PDE4D: variants seen among roughly 807,000 people sequenced by gnomAD.
PDE4D encodes 3',5'-cyclic-AMP phosphodiesterase 4D.
Under a neutral mutation model 87.4 loss-of-function variants are expected in PDE4D, and 24 were observed. That is an observed-to-expected ratio of 0.27 (90% CI 0.20 to 0.39). The LOEUF (loss-of-function observed/expected upper bound fraction) is 0.39. Ranked by LOEUF, PDE4D falls within the 10% of genes least tolerant of loss-of-function variation. PDE4D has a pLI of 1.00. For missense variants in PDE4D, 714 were observed against 1,041.0 expected, an observed-to-expected ratio of 0.69 and a Z score of 4.32; for synonymous variants, 384 against 383.2, an observed-to-expected ratio of 1.00 and a Z score of -0.02.
rs564375415 is a variant in PDE4D at position 60,457,335 on chromosome 5, T to C, written c.-90+30607A>G. ...AGTCTCATCTGCCATAAGCTTTCCC[T>C]GAAATTTTGATTTAAGAGATAGAAG... On this transcript the variant is annotated intron_variant, in intron 1 of 16. Transcript: ENST00000502484. Among the ~76,000 whole-genome samples the C allele has an allele frequency of 5.9e-5, 9 of 152,348 alleles. No homozygotes were observed. The South Asian group carries it at 1.2e-3, about 21-fold the overall frequency.
intron 2 of PDE4D, among the ~76,000 whole-genome samples, chr5:59,206,817 G>A (rs866284944): frequency 1.3e-5 from 2 of 152,090 alleles, no homozygotes; most frequent in African/African-American, 4.8e-5. Context: ...TGGAAAACAC[G>A]TATTGGTCAT....
At chr5:59,840,247 C>A (rs1742777956) in intron 1 of PDE4D, among the ~76,000 whole-genome samples, 1 of 151,638 alleles carries the variant, frequency 6.6e-6, no homozygotes, top group Admixed American at 6.6e-5. Flanking sequence ...CACACACACA[C>A]ACACACACAC....
chr5:59,645,086 CT>C (rs1201639099), intron 1 of PDE4D, among the ~76,000 whole-genome samples: 3 of 152,148 alleles, frequency 2.0e-5, no homozygotes, highest in Non-Finnish European at 4.4e-5. Flanking sequence ...AAATGAACTT[CT>C]AAGAAATACC....
intron 1 of PDE4D, among the ~76,000 whole-genome samples, chr5:59,863,679 A>G (rs2152730326): frequency 6.6e-6 from 1 of 152,312 alleles, no homozygotes; most frequent in South Asian, 2.1e-4. Flanking sequence ...TTGTTTTGGT[A>G]TTGATCTCTG....
At chr5:60,324,823 T>A (rs1488847422) in intron 1 of PDE4D, among the ~76,000 whole-genome samples, 1 of 152,100 alleles carries the variant, frequency 6.6e-6, no homozygotes, top group East Asian at 1.9e-4. Context: ...CCTCATATGG[T>A]TTCACCGTAG....
chr5:59,126,107 AAGAG>A lies in PDE4D; in HGVS notation c.808+54484_808+54487del, dbSNP rs755881387. Among the ~76,000 whole-genome samples the A allele has an allele frequency of 1.6e-3, 230 of 148,128 alleles. 2 individuals are homozygous for A. Among genetic ancestry groups the A allele is most frequent in the East Asian group, 0.012 (60 of 5,084 alleles). On this transcript the variant is annotated intron_variant, in intron 5 of 14. Transcript: ENST00000340635. ...TTAAGTACAATTGTAAAAAAAAAAA[AAGAG>A]AGAGAGAGAGAGAGAGAGAAAGCAA...
At chr5:59,284,955 C>T (rs1162553038) in intron 1 of PDE4D, among the ~76,000 whole-genome samples, 3 of 63,580 alleles carry the variant, frequency 4.7e-5, no homozygotes, top group Admixed American at 1.9e-4. Context: ...AGTAAACTAT[C>T]GCAAGAACAA....
chr5:59,045,437 C>A (rs1760450044), intron 5 of PDE4D, among the ~76,000 whole-genome samples: 1 of 151,846 alleles, frequency 6.6e-6, no homozygotes, highest in Admixed American at 6.6e-5. Context: ...CCTATATTCC[C>A]AGCTACTTGG....
chr5:60,279,931 C>T (rs905894788), intron 1 of PDE4D, among the ~76,000 whole-genome samples: 7 of 152,012 alleles, frequency 4.6e-5, no homozygotes, highest in Non-Finnish European at 8.8e-5. Context: ...CCGCCCGCCT[C>T]GGCCTCCCAA....
intron 1 of PDE4D, among the ~76,000 whole-genome samples, chr5:59,836,052 G>A (rs1268498238): frequency 1.3e-5 from 2 of 151,990 alleles, no homozygotes; most frequent in Non-Finnish European, 2.9e-5. Context: ...TAGGAGGGAG[G>A]AAGAATAACA....
chr5:59,555,853 T>C (rs1471195759), intron 1 of PDE4D, among the ~76,000 whole-genome samples: 2 of 152,138 alleles, frequency 1.3e-5, no homozygotes, highest in Non-Finnish European at 2.9e-5. Flanking sequence ...AAGGACATTG[T>C]TATGAAGCAT....
chr5:60,436,737 A>C (rs2150125304), intron 1 of PDE4D, among the ~76,000 whole-genome samples: 1 of 152,178 alleles, frequency 6.6e-6, no homozygotes, highest in East Asian at 1.9e-4. Flanking sequence ...GGTTCACTGA[A>C]GCATACTGAA....
At chr5:59,695,199 GA>G (rs35105874) in intron 1 of PDE4D, among the ~76,000 whole-genome samples, 182 of 145,486 alleles carry the variant, frequency 1.3e-3, no homozygotes, top group South Asian at 8.5e-3. Flanking sequence ...CTGCATTTTT[GA>G]AAAAAAAAAA....
intron 1 of PDE4D, among the ~76,000 whole-genome samples, chr5:59,763,566 A>C (rs1762437571): frequency 6.6e-6 from 1 of 152,130 alleles, no homozygotes; most frequent in African/African-American, 2.4e-5. Flanking sequence ...ACACCCCAAA[A>C]CTGTGCTTAA....
chr5:60,510,957 T>TTTTTGTTTTG (rs572948838), intron 1 of PDE4D, among the ~76,000 whole-genome samples: 10 of 151,932 alleles, frequency 6.6e-5, no homozygotes, highest in South Asian at 4.2e-4. Context: ...CGTGGTAGTT[T>TTTTTGTTTTG]TTTTGTTTTG....
At chr5:59,664,372 AAC>A (rs1356553904) in intron 1 of PDE4D, among the ~76,000 whole-genome samples, 1 of 152,224 alleles carries the variant, frequency 6.6e-6, no homozygotes, top group African/African-American at 2.4e-5. Flanking sequence ...TATTTTGACA[AAC>A]ACAAATCAGT....
chr5:59,298,691 A>C (rs745327781), intron 1 of PDE4D, among the ~76,000 whole-genome samples: 3 of 152,216 alleles, frequency 2.0e-5, no homozygotes, highest in Admixed American at 1.3e-4. Context: ...TTTTCTATGG[A>C]TCTCAGAAGA....
At chr5:60,085,673 C>T (rs767466660) in intron 2 of PDE4D, among the ~76,000 whole-genome samples, 9 of 152,180 alleles carry the variant, frequency 5.9e-5, no homozygotes, top group Non-Finnish European at 1.3e-4. Context: ...GTCTCTGAGG[C>T]ACTGACTCTA....
At chr5:60,326,226 T>A (rs1176039930) in intron 1 of PDE4D, among the ~76,000 whole-genome samples, 2 of 152,130 alleles carry the variant, frequency 1.3e-5, no homozygotes, top group Non-Finnish European at 2.9e-5. Context: ...ACATGTTTAG[T>A]TTTTTAAGAA....
Sources: gnomAD v4.1 joint callset for allele counts (sites outside exome capture counted in the v4.1 genomes callset) on GRCh38, gnomAD v4.1.1 for gene constraint, MANE v1.5 for transcripts, NCBI Gene and HGNC (gene_info 2026-07-23, HGNC 2026-07-21) for gene names.